The following NELL1 variants were observed in gnomAD, a reference collection of about 807,000 sequenced individuals.
The protein encoded by NELL1 is protein kinase C-binding protein NELL1.
In NELL1, 76 loss-of-function variants were observed where a neutral mutation model predicts 107.4. The ratio of observed to expected loss-of-function variants is 0.71; its 90% CI spans 0.59 to 0.86. The LOEUF (loss-of-function observed/expected upper bound fraction) is 0.86. NELL1 is among the 40% of genes least tolerant of loss of function. The probability of loss-of-function intolerance (pLI) is 0.00; values close to 1 mark genes in which losing one functional copy is unlikely to be tolerated. For synonymous variants in NELL1, 353 were observed against 341.2 expected (o/e 1.03, Z -0.38); for missense variants, 1,024 against 1,005.5 (o/e 1.02, Z -0.25).
intron 14 of NELL1, among the ~76,000 whole-genome samples, chr11:21,309,989 T>C (rs1041453824): frequency 6.6e-6 from 1 of 152,128 alleles, no homozygotes; most frequent in African/African-American, 2.4e-5. Context: ...AGGATAGGCA[T>C]GGCAGATACA....
intron 13 of NELL1, 49 bp downstream of exon 13, chr11:21,113,763 A>G (rs1266101988): frequency 6.3e-7 from 1 of 1,591,220 alleles, no homozygotes; most frequent in Non-Finnish European, 8.6e-7. Flanking sequence ...CATTCTCTGC[A>G]CCATGTCTGT....
intron 4 of NELL1, among the ~76,000 whole-genome samples, chr11:20,850,709 C>T (rs1196650356): frequency 1.3e-5 from 2 of 152,132 alleles, no homozygotes; most frequent in South Asian, 4.1e-4. Context: ...TTCCCTGCCA[C>T]ATGTCTTATA....
chr11:21,276,268 G>A (rs569773496), intron 14 of NELL1, among the ~76,000 whole-genome samples: 37 of 152,188 alleles, frequency 2.4e-4, no homozygotes, highest in African/African-American at 8.9e-4. Flanking sequence ...CAGACAGAGA[G>A]CCAAATCATG....
chr11:20,834,180 C>A (rs1392187365), intron 3 of NELL1, among the ~76,000 whole-genome samples: 1 of 152,114 alleles, frequency 6.6e-6, no homozygotes, highest in East Asian at 1.9e-4. Flanking sequence ...AGGATGATAG[C>A]TGTGAAGGAG....
intron 2 of NELL1, among the ~76,000 whole-genome samples, chr11:20,721,293 C>G (rs1433052979): frequency 6.7e-6 from 1 of 148,190 alleles, no homozygotes; most frequent in Non-Finnish European, 1.5e-5. Context: ...CCTCACACTT[C>G]CTGTACGAAT....
At chr11:21,079,928 G>C (rs1303450867) in intron 12 of NELL1, among the ~76,000 whole-genome samples, 1 of 151,976 alleles carries the variant, frequency 6.6e-6, no homozygotes, top group Non-Finnish European at 1.5e-5. Context: ...GGTACTTTTT[G>C]AAAGTGATTT....
chr11:21,300,705 C>T (rs937543913), intron 14 of NELL1, among the ~76,000 whole-genome samples: 48 of 151,992 alleles, frequency 3.2e-4, no homozygotes, highest in Non-Finnish European at 6.9e-4. Context: ...GGTTGGACTA[C>T]TGAATGAGAT....
chr11:21,351,351 G>C (rs1850810281), intron 14 of NELL1, among the ~76,000 whole-genome samples: 1 of 152,058 alleles, frequency 6.6e-6, no homozygotes, highest in Non-Finnish European at 1.5e-5. Flanking sequence ...CTTTAAGCTA[G>C]ACTGGAGGTC....
chr11:21,245,053 T>C (rs1858455732), intron 14 of NELL1, among the ~76,000 whole-genome samples: 1 of 152,192 alleles, frequency 6.6e-6, no homozygotes, highest in South Asian at 2.1e-4. Flanking sequence ...GATCCTGCCA[T>C]GCATCCTTCT....
chr11:21,149,309 C>CTAA (rs1856058373), intron 13 of NELL1, among the ~76,000 whole-genome samples: 1 of 152,124 alleles, frequency 6.6e-6, no homozygotes, highest in Non-Finnish European at 1.5e-5. Context: ...GCTCATGCTG[C>CTAA]TAATAAAGAC....
intron 13 of NELL1, chr11:21,170,269 C>T: frequency 3.6e-6 from 1 of 276,644 alleles, no homozygotes; most frequent in Non-Finnish European, 6.8e-6. Flanking sequence ...GGGCCTTGGA[C>T]TGCATATTTT....
At chr11:21,440,616 C>T (rs1031044867) in intron 15 of NELL1, among the ~76,000 whole-genome samples, 2 of 152,096 alleles carry the variant, frequency 1.3e-5, no homozygotes, top group Non-Finnish European at 2.9e-5. Flanking sequence ...AGATGTACTA[C>T]CTACTGAAGG....
chr11:21,029,270 G>C (rs1456518958), intron 12 of NELL1, among the ~76,000 whole-genome samples: 1 of 152,106 alleles, frequency 6.6e-6, no homozygotes, highest in Admixed American at 6.6e-5. Context: ...ACTTTAACAA[G>C]CTTAAATTTC....
intron 2 of NELL1, among the ~76,000 whole-genome samples, chr11:20,764,639 G>T (rs940634838): frequency 4.0e-5 from 6 of 149,518 alleles, no homozygotes; most frequent in African/African-American, 2.5e-5. Context: ...GTCTCTCAGG[G>T]TGCAGACTGA....
chr11:21,538,112 C>G (rs1024725611), intron 16 of NELL1, among the ~76,000 whole-genome samples: 1 of 151,728 alleles, frequency 6.6e-6, no homozygotes, highest in African/African-American at 2.4e-5. Context: ...CTAAAATAAC[C>G]CTTACAATTT....
chr11:21,301,091 T>C (rs1288329576), intron 14 of NELL1, among the ~76,000 whole-genome samples: 1 of 152,208 alleles, frequency 6.6e-6, no homozygotes. Flanking sequence ...TTTTTATGAC[T>C]GCATATTATT....
intron 4 of NELL1, among the ~76,000 whole-genome samples, chr11:20,851,138 C>T (rs1242189242): frequency 2.6e-5 from 4 of 152,094 alleles, no homozygotes; most frequent in African/African-American, 7.2e-5. Flanking sequence ...ACTCTAAAAT[C>T]GAGAAGAAAT....
chr11:21,165,758 C>CTTTTTTTT (rs34509347), intron 13 of NELL1, among the ~76,000 whole-genome samples: 3 of 98,508 alleles, frequency 3.0e-5, no homozygotes, highest in African/African-American at 4.1e-5. Context: ...ACAATGAGAT[C>CTTTTTTTT]TTTTTTTTTT....
intron 13 of NELL1, among the ~76,000 whole-genome samples, chr11:21,130,792 C>T (rs1341487258): frequency 2.3e-4 from 35 of 152,086 alleles, no homozygotes; most frequent in Admixed American, 2.3e-3. Flanking sequence ...GCAGTATGTT[C>T]TTTGGGGCTT....
Sources: allele counts gnomAD v4.1 joint callset (sites outside exome capture counted in the v4.1 genomes callset), GRCh38; gene constraint gnomAD v4.1.1; transcripts MANE v1.5; gene names NCBI Gene and HGNC (gene_info 2026-07-23, HGNC 2026-07-21).